SIPA1L1: variants seen among roughly 807,000 people sequenced by gnomAD.
SIPA1L1 encodes the protein signal induced proliferation associated 1 like 1.
SIPA1L1 carries 26 observed loss-of-function variants against 162.7 expected under a neutral mutation model. The ratio of observed to expected loss-of-function variants is 0.16; its 90% CI spans 0.12 to 0.22. SIPA1L1 has a LOEUF of 0.22. Ranked by LOEUF, SIPA1L1 falls within the 10% of genes least tolerant of loss-of-function variation. SIPA1L1 has a pLI of 1.00. For synonymous variants in SIPA1L1, 829 were observed against 837.4 expected, an observed-to-expected ratio of 0.99 and a Z score of 0.17; for missense variants, 1,874 against 2,241.0, an observed-to-expected ratio of 0.84 and a Z score of 3.31.
intron 2 of SIPA1L1, among the ~76,000 whole-genome samples, chr14:71,469,620 TTTTA>T (rs1310076799): frequency 1.3e-5 from 2 of 151,946 alleles, no homozygotes; most frequent in African/African-American, 4.8e-5. Flanking sequence ...AGAGCAAGGG[TTTTA>T]TTCTGGAGGA....
At chr14:71,330,872 C>A in intron 2 of SIPA1L1, 6 of 565,946 alleles carry the variant, frequency 1.1e-5, no homozygotes, top group Non-Finnish European at 1.9e-5. Context: ...CTCCAGGTTG[C>A]TTTTTTGCTC....
At chr14:71,471,105 A>G (rs2047418961) in intron 2 of SIPA1L1, among the ~76,000 whole-genome samples, 1 of 152,228 alleles carries the variant, frequency 6.6e-6, no homozygotes, top group East Asian at 1.9e-4. Context: ...GGGTCTCCCA[A>G]AGTGCTGGGA....
intron 5 of SIPA1L1, among the ~76,000 whole-genome samples, chr14:71,599,913 G>A: frequency 6.6e-6 from 1 of 151,986 alleles, no homozygotes; most frequent in Non-Finnish European, 1.5e-5. Flanking sequence ...CCATATGTGT[G>A]TATTCTTTTC....
chr14:71,421,540 G>C (rs145259729), intron 2 of SIPA1L1, among the ~76,000 whole-genome samples: 2 of 152,062 alleles, frequency 1.3e-5, no homozygotes, highest in East Asian at 3.8e-4. Context: ...TGAAGGCAGT[G>C]AGCTATAATC....
intron 7 of SIPA1L1, among the ~76,000 whole-genome samples, chr14:71,645,551 A>G (rs1274659131): frequency 6.6e-6 from 1 of 152,250 alleles, no homozygotes; most frequent in Non-Finnish European, 1.5e-5. Flanking sequence ...TGGAATATTA[A>G]AAAGCATATA....
intron 2 of SIPA1L1, among the ~76,000 whole-genome samples, chr14:71,417,469 CAAAAAAAAAAAAAAAAAAAAAAAA>C (rs58628136): frequency 5.6e-4 from 10 of 17,768 alleles, no homozygotes; most frequent in Non-Finnish European, 8.2e-4. Flanking sequence ...GACTCCGTCT[CAAAAAAAAAAAAAAAAAAAAAAAA>C]AAAAAAAAAA....
chr14:71,590,037 AAAAAAAAAT>A (rs1390381990), intron 5 of SIPA1L1, among the ~76,000 whole-genome samples: 29 of 73,638 alleles, frequency 3.9e-4, no homozygotes, highest in African/African-American at 1.6e-3. Context: ...AAAAAAAAAA[AAAAAAAAAT>A]ATATATATAT....
At chr14:71,611,786 C>G (rs1477888226) in intron 5 of SIPA1L1, among the ~76,000 whole-genome samples, 1 of 152,104 alleles carries the variant, frequency 6.6e-6, no homozygotes, top group African/African-American at 2.4e-5. Flanking sequence ...GCCACATTTT[C>G]TTTATCCAGT....
At chr14:71,612,695 C>G (rs2038371081) in intron 5 of SIPA1L1, among the ~76,000 whole-genome samples, 1 of 152,120 alleles carries the variant, frequency 6.6e-6, no homozygotes, top group Non-Finnish European at 1.5e-5. Flanking sequence ...TTCCTTTCCC[C>G]TTCACAAGTA....
chr14:71,431,282 A>T (rs2043966654), intron 2 of SIPA1L1, among the ~76,000 whole-genome samples: 1 of 152,150 alleles, frequency 6.6e-6, no homozygotes, highest in African/African-American at 2.4e-5. Context: ...ACTTTCCCCT[A>T]CTGTGCTTTC....
intron 7 of SIPA1L1, among the ~76,000 whole-genome samples, chr14:71,639,932 C>T (rs2041540296): frequency 6.6e-6 from 1 of 152,030 alleles, no homozygotes; most frequent in African/African-American, 2.4e-5. Context: ...GAGACTGAGT[C>T]TTGCTCTGTT....
chr14:71,563,135 G>A (rs2056925712), intron 4 of SIPA1L1, among the ~76,000 whole-genome samples: 1 of 152,128 alleles, frequency 6.6e-6, no homozygotes, highest in African/African-American at 2.4e-5. Context: ...ATAAATATTT[G>A]TCTAATTATT....
chr14:71,608,900 A>G (rs1477265437), intron 5 of SIPA1L1, among the ~76,000 whole-genome samples: 1 of 152,190 alleles, frequency 6.6e-6, no homozygotes, highest in African/African-American at 2.4e-5. Context: ...TCAAAAAACA[A>G]AACAAAACAA....
chr14:71,540,513 T>C (rs1357557245), intron 4 of SIPA1L1, among the ~76,000 whole-genome samples: 1 of 152,042 alleles, frequency 6.6e-6, no homozygotes, highest in Non-Finnish European at 1.5e-5. Context: ...AGACCGCATC[T>C]CTACGAAAAA....
chr14:71,590,481 G>A (rs1487410382), intron 5 of SIPA1L1, among the ~76,000 whole-genome samples: 2 of 152,064 alleles, frequency 1.3e-5, no homozygotes, highest in Non-Finnish European at 2.9e-5. Flanking sequence ...GTGAAGTTTA[G>A]TTTCAAATAT....
chr14:71,734,793 T>G (rs1040014885), intron 21 of SIPA1L1, among the ~76,000 whole-genome samples: 3 of 152,234 alleles, frequency 2.0e-5, no homozygotes, highest in Non-Finnish European at 2.9e-5. Flanking sequence ...AAATTTGATT[T>G]AGTTTTCTTG....
intron 7 of SIPA1L1, among the ~76,000 whole-genome samples, chr14:71,626,547 C>A (rs1311738965): frequency 6.6e-6 from 1 of 152,106 alleles, no homozygotes; most frequent in African/African-American, 2.4e-5. Context: ...TATTTTGGTG[C>A]CTTTACAAAT....
At chr14:71,585,007 A>G (rs1002296703) in intron 4 of SIPA1L1, among the ~76,000 whole-genome samples, 2 of 152,222 alleles carry the variant, frequency 1.3e-5, no homozygotes, top group Non-Finnish European at 2.9e-5. Flanking sequence ...ATCATATGAT[A>G]CACATCGATG....
intron 4 of SIPA1L1, among the ~76,000 whole-genome samples, chr14:71,530,410 T>C (rs2053317007): frequency 6.6e-6 from 1 of 152,010 alleles, no homozygotes; most frequent in African/African-American, 2.4e-5. Flanking sequence ...AAAAGGGTCT[T>C]GGATACTGGC....
Sources: allele counts gnomAD v4.1 joint callset (sites outside exome capture counted in the v4.1 genomes callset), GRCh38; gene constraint gnomAD v4.1.1; transcripts MANE v1.5; gene names NCBI Gene and HGNC (gene_info 2026-07-23, HGNC 2026-07-21).